CACNA2D4: variants seen among roughly 807,000 people sequenced by gnomAD.
CACNA2D4 encodes the protein calcium voltage-gated channel auxiliary subunit alpha2delta 4.
Under a neutral mutation model 163.8 loss-of-function variants are expected in CACNA2D4, and 157 were observed. That is an observed-to-expected ratio of 0.96 (90% CI 0.84 to 1.09). The LOEUF (loss-of-function observed/expected upper bound fraction) is 1.09. Among genes scored for constraint, CACNA2D4 ranks in the 50% least tolerant of loss-of-function variants. The probability of loss-of-function intolerance (pLI) is 0.00; values close to 1 mark genes in which losing one functional copy is unlikely to be tolerated. For missense variants in CACNA2D4, 1,410 were observed against 1,479.9 expected, an observed-to-expected ratio of 0.95 and a Z score of 0.78; for synonymous variants, 598 against 586.9, an observed-to-expected ratio of 1.02 and a Z score of -0.27.
At chr12:1,887,149 T>C (rs1866168227) in intron 6 of CACNA2D4, 80 bp from the exon 7 acceptor site, 4 of 958,296 alleles carry the variant, frequency 4.2e-6, no homozygotes, top group South Asian at 1.4e-5. Context: ...ACCCCCAAGA[T>C]GGCCATGATC....
chr12:1,801,134 G>A lies in CACNA2D4; in HGVS notation c.2793-16C>T, dbSNP rs775477438. 1.4e-5 allele frequency: 22 copies of A among 1,611,904 alleles called. 1 individual carries two copies. The South Asian group carries it at 1.6e-4, about 12-fold the overall frequency. On this transcript the variant is annotated splice_polypyrimidine_tract_variant and intron_variant, in intron 30 of 37. Coordinates refer to ENST00000382722, the MANE Select transcript of CACNA2D4 (RefSeq NM_172364.5). Reference sequence around the variant, plus strand: ...CATAGTCACTCTGAAAATCAGAAGCGGGCTGTGATGAGTCCAAAGCCACCC... The same window carrying A: ...CATAGTCACTCTGAAAATCAGAAGCAGGCTGTGATGAGTCCAAAGCCACCC...
In CACNA2D4 at chr12:1,834,968, C is replaced by T. The variant is rs1864794343; in HGVS notation, c.2551+5771G>A. ...TAAATCTTTGGAACATGTGGGGGAT[C>T]TCCCTAAGCTCTGGCCACAGCAAAG... is the stretch of plus-strand genomic sequence containing the variant. On this transcript the variant is annotated intron_variant, in intron 26 of 37. Transcript: ENST00000382722. The surrounding 1 kb of genome is among the most constrained non-coding windows in gnomAD (Gnocchi z 7.6). The T allele has an allele frequency of 1.6e-6, 1 of 641,134 alleles. No individual in the cohort carries two copies. The highest frequency in any genetic ancestry group is 2.5e-6 in the Non-Finnish European group (1 of 398,192). The allele number at this position is 641,134 out of a possible 1,614,324, so 39.7% of individuals were successfully genotyped here.
intron 25 of CACNA2D4, among the ~76,000 whole-genome samples, chr12:1,842,093 G>C (rs1349560756): frequency 2.0e-5 from 3 of 152,204 alleles, no homozygotes; most frequent in Non-Finnish European, 2.9e-5. Flanking sequence ...AGGAAACGCA[G>C]ATGTGAGCAT....
intron 26 of CACNA2D4, among the ~76,000 whole-genome samples, chr12:1,824,507 G>A (rs371388572): frequency 3.9e-5 from 6 of 152,190 alleles, no homozygotes; most frequent in Non-Finnish European, 5.9e-5. Flanking sequence ...ACTCCGTGGA[G>A]GCCTGGCCCC....
chr12:1,840,625 A>G, intron 26 of CACNA2D4, 114 bp downstream of exon 26: 1 of 780,224 alleles, frequency 1.3e-6, no homozygotes, highest in South Asian at 1.6e-5. Flanking sequence ...CCCACATTCC[A>G]CCGGCAGGAC....
chr12:1,832,837 G>C (rs142785954), intron 26 of CACNA2D4, among the ~76,000 whole-genome samples: 19 of 152,324 alleles, frequency 1.2e-4, no homozygotes, highest in African/African-American at 4.3e-4. Context: ...AAACTCATAA[G>C]TAATTAAATA....
chr12:1,851,680 T>TGTGTGTGAG (rs55736421), intron 23 of CACNA2D4, among the ~76,000 whole-genome samples: 1 of 26,774 alleles, frequency 3.7e-5, no homozygotes, highest in Non-Finnish European at 6.9e-5. Flanking sequence ...TGTGTGTGCG[T>TGTGTGTGAG]TTTTTTTTTT....
chr12:1,894,062 G>A (rs1866346766), intron 6 of CACNA2D4, among the ~76,000 whole-genome samples: 1 of 152,024 alleles, frequency 6.6e-6, no homozygotes, highest in Admixed American at 6.5e-5. Flanking sequence ...AATGAAAAAA[G>A]CATACATTAC....
chr12:1,883,711 C>G lies in CACNA2D4; in HGVS notation c.1351+532G>C, dbSNP rs577904133. Among the ~76,000 whole-genome samples the G allele has an allele frequency of 2.0e-5, 3 of 152,290 alleles. No individual in the cohort carries two copies. The highest frequency in any genetic ancestry group is 4.1e-4 in the South Asian group (2 of 4,820). ...GTGCCTCCCCCATGGCCCCCGGCACCCTGAACAGTCTGTGTCTCTCCACCA... is the reference window on the plus strand; with the variant it reads ...GTGCCTCCCCCATGGCCCCCGGCACGCTGAACAGTCTGTGTCTCTCCACCA... On this transcript the variant is annotated intron_variant, in intron 12 of 37. Transcript: ENST00000382722. This position sits in a 1 kb window ranked among gnomAD's most constrained non-coding sequence, Gnocchi z 4.5.
rs1461950912 is a variant in CACNA2D4 at position 1,884,759 on chromosome 12, GA to G, written c.1272+8del. The G allele has an allele frequency of 6.3e-7, 1 of 1,595,628 alleles. No homozygotes were observed. Among genetic ancestry groups the G allele is most frequent in the Non-Finnish European group, 8.6e-7 (1 of 1,164,076 alleles). Reference sequence around the variant, plus strand: ...CTTTTTTCTCCCTGGACACCCGTGGGAGGGTCACCTTACAGTCTGGCCAGTT... The same window carrying G: ...CTTTTTTCTCCCTGGACACCCGTGGGGGGTCACCTTACAGTCTGGCCAGTT... On this transcript the variant is annotated splice_region_variant and intron_variant, in intron 11 of 37. Transcript: ENST00000382722.
intron 23 of CACNA2D4, among the ~76,000 whole-genome samples, chr12:1,848,409 C>A (rs1399389667): frequency 1.3e-5 from 2 of 152,332 alleles, no homozygotes; most frequent in South Asian, 2.1e-4. Context: ...GCCGTGAGAC[C>A]TCAGGGCCTG....
intron 6 of CACNA2D4, among the ~76,000 whole-genome samples, chr12:1,895,980 A>G (rs781065856): frequency 4.6e-5 from 7 of 152,174 alleles, no homozygotes; most frequent in Non-Finnish European, 8.8e-5. Context: ...AGAACATACA[A>G]CAAGAAAAGA....
chr12:1,903,427 C>G (rs1866582658), intron 6 of CACNA2D4, among the ~76,000 whole-genome samples: 1 of 151,834 alleles, frequency 6.6e-6, no homozygotes, highest in Non-Finnish European at 1.5e-5. Context: ...AGTAAATAGA[C>G]AATGCACAGA....
chr12:1,835,537 G>A (rs753992994), intron 26 of CACNA2D4: 4 of 152,596 alleles, frequency 2.6e-5, no homozygotes, highest in Admixed American at 6.5e-5. Context: ...AGAGCCTCTC[G>A]CGTGCTCACT....
intron 18 of CACNA2D4, among the ~76,000 whole-genome samples, chr12:1,863,323 T>C (rs945788052): frequency 6.6e-6 from 1 of 152,244 alleles, no homozygotes; most frequent in Non-Finnish European, 1.5e-5. Flanking sequence ...AGCTTGGTTA[T>C]TGTAGCTTTA....
rs1865086903 is a variant in CACNA2D4 at position 1,843,956 on chromosome 12, C to G, written c.2470+446G>C. Among the ~76,000 whole-genome samples, 1 of 152,158 alleles carries G rather than the reference C, an allele frequency of 6.6e-6. No homozygotes were observed. The highest frequency in any genetic ancestry group is 2.1e-4 in the South Asian group (1 of 4,834). ...GTCCTGGGTAACTGGGGACGGGTTGCTTTCTTTCTGTTTGGGAAGAGCAGG... is the reference window on the plus strand; with the variant it reads ...GTCCTGGGTAACTGGGGACGGGTTGGTTTCTTTCTGTTTGGGAAGAGCAGG... On this transcript the variant is annotated intron_variant, in intron 25 of 37. Transcript: ENST00000382722. This position sits in a 1 kb window ranked among gnomAD's most constrained non-coding sequence, Gnocchi z 4.6.
rs541476137 is a variant in CACNA2D4, at chr12:1,795,134, A to G, written c.3309+165T>C. ...TAAATAAAGATCTGTTTCTTATTAT[A>G]TCACAGTGTCACAGGGCATAAACGC... On this transcript the variant is annotated intron_variant, in intron 37 of 37. Transcript: ENST00000382722. The G allele has an allele frequency of 1.3e-5, 8 of 614,080 alleles. No homozygotes were observed. The South Asian group carries it at 1.4e-4, about 10-fold the overall frequency. 38.0% of individuals were successfully genotyped at this position (614,080 alleles called of 1,614,324 possible).
chr12:1,908,099 G>A (rs1866711855), intron 4 of CACNA2D4, 62 bp from the exon 5 acceptor site: 5 of 1,521,462 alleles, frequency 3.3e-6, no homozygotes, highest in Non-Finnish European at 3.6e-6. Flanking sequence ...GGAGAGAGAG[G>A]AAGAGAAACG....
At chr12:1,896,572 T>C (rs77584879) in intron 6 of CACNA2D4, among the ~76,000 whole-genome samples, 37 of 150,588 alleles carry the variant, frequency 2.5e-4, no homozygotes, top group Non-Finnish European at 4.3e-4. Context: ...TACAAAGATA[T>C]ATCATCTCAT....
Sources: allele counts gnomAD v4.1 joint callset (sites outside exome capture counted in the v4.1 genomes callset), GRCh38; gene constraint gnomAD v4.1.1; non-coding constraint Gnocchi (gnomAD v3.1); transcripts MANE v1.5; gene names NCBI Gene and HGNC (gene_info 2026-07-23, HGNC 2026-07-21).